PBRM1: variants seen among roughly 807,000 people sequenced by gnomAD.
PBRM1 encodes polybromo 1.
A neutral mutation model predicts 194.5 loss-of-function variants in PBRM1; 27 were observed. The observed-to-expected ratio is 0.14, with a 90% CI of 0.10 to 0.19. The LOEUF is 0.19. PBRM1 is among the 10% of genes least tolerant of loss of function. The pLI is 1.00. For missense variants in PBRM1, 1,466 were observed against 2,077.2 expected (o/e 0.71, Z 5.72); for synonymous variants, 655 against 693.2 (o/e 0.94, Z 0.87).
chr3:52,678,380 T>C (rs192218524), intron 2 of PBRM1, 120 bp downstream of exon 3: 21 of 618,104 alleles, frequency 3.4e-5, no homozygotes, highest in East Asian at 2.4e-4. Flanking sequence ...AAGACTAAAA[T>C]TGGACCCCAG....
At chr3:52,674,837 A>G (rs1230080516) in intron 2 of PBRM1, among the ~76,000 whole-genome samples, 1 of 151,412 alleles carries the variant, frequency 6.6e-6, no homozygotes, top group Non-Finnish European at 1.5e-5. Context: ...ACACGTATAT[A>G]TAACATATAT....
intron 22 of PBRM1, among the ~76,000 whole-genome samples, chr3:52,566,905 C>G (rs1466488391): frequency 6.6e-6 from 1 of 151,966 alleles, no homozygotes; most frequent in Non-Finnish European, 1.5e-5. Flanking sequence ...CCCGTCTCTA[C>G]TAAAAATACA....
intron 22 of PBRM1, among the ~76,000 whole-genome samples, chr3:52,567,709 G>A (rs541776811): frequency 2.7e-4 from 41 of 151,156 alleles, no homozygotes; most frequent in African/African-American, 9.2e-4. Context: ...TCAGCTCACC[G>A]CAGCCTCTGC....
At chr3:52,589,168 C>A (rs1211663291) in exon 18 of PBRM1, 2 of 1,611,502 alleles carry the variant, frequency 1.2e-6, no homozygotes, top group Non-Finnish European at 1.7e-6. Context: ...ATGGTACATG[C>A]TGTTTTTAAA....
intron 26 of PBRM1, among the ~76,000 whole-genome samples, chr3:52,557,940 T>A (rs1198329467): frequency 6.6e-6 from 1 of 152,232 alleles, no homozygotes; most frequent in Non-Finnish European, 1.5e-5. Flanking sequence ...ATTCAGGGTC[T>A]ACTTTCATAT....
chr3:52,612,928 T>C (rs566196429), intron 15 of PBRM1, among the ~76,000 whole-genome samples: 1 of 148,762 alleles, frequency 6.7e-6, no homozygotes, highest in East Asian at 2.0e-4. Flanking sequence ...AAAAAGAGTA[T>C]AATAATCAAA....
At chr3:52,670,191 T>G (rs2096918963) in intron 2 of PBRM1, among the ~76,000 whole-genome samples, 1 of 152,176 alleles carries the variant, frequency 6.6e-6, no homozygotes, top group African/African-American at 2.4e-5. Flanking sequence ...CCAGAATCAC[T>G]GCTACAAGGT....
chr3:52,632,311 T>C, intron 11 of PBRM1, among the ~76,000 whole-genome samples: 1 of 152,128 alleles, frequency 6.6e-6, no homozygotes, highest in Non-Finnish European at 1.5e-5. Flanking sequence ...AGGCCGGGTA[T>C]GGTGGCTCAC....
At chr3:52,592,059 T>TCA (rs2093129700) in intron 17 of PBRM1, among the ~76,000 whole-genome samples, 1 of 151,264 alleles carries the variant, frequency 6.6e-6, no homozygotes, top group Admixed American at 6.6e-5. Context: ...ACTCCTGACC[T>TCA]TGTGATCCAC....
At chr3:52,551,351 G>C (rs140636436) in intron 27 of PBRM1, among the ~76,000 whole-genome samples, 9 of 152,352 alleles carry the variant, frequency 5.9e-5, no homozygotes, top group African/African-American at 2.2e-4. Context: ...TCTAACTGGA[G>C]TCACTAGTGC....
chr3:52,594,418 T>G (rs933017134), intron 17 of PBRM1, among the ~76,000 whole-genome samples: 16 of 152,206 alleles, frequency 1.1e-4, no homozygotes, highest in African/African-American at 3.9e-4. Context: ...TGTTTTCCAT[T>G]TGCTTGGTAG....
intron 13 of PBRM1, among the ~76,000 whole-genome samples, chr3:52,622,876 TACAC>T (rs1413116020): frequency 3.3e-5 from 5 of 152,238 alleles, no homozygotes; most frequent in Admixed American, 6.5e-5. Flanking sequence ...TATTTACAAA[TACAC>T]ACACACACAA....
Position 52,558,375 on chromosome 3 carries a change from G to A in PBRM1, c.4327C>T (p.Arg1443Ter), listed in dbSNP as rs1337009790. 1 of 1,549,052 alleles carries A rather than the reference G, an allele frequency of 6.5e-7. No individual in the cohort carries two copies. The highest frequency in any genetic ancestry group is 8.7e-7 in the Non-Finnish European group (1 of 1,146,100). Residue 1443 changes from arginine to a stop codon, truncating the protein, a stop_gained, in exon 26 of 30, where the codon CGA becomes TGA. Transcript: ENST00000296302. LOFTEE classifies it high-confidence loss of function. ...CTCGGCTGCTGTTGCTGTGCTGCTC[G>A]CTCTCTCTCCTGCTGCTCAGCAACT...
At chr3:52,646,026 T>C (rs2096280727) in intron 7 of PBRM1, among the ~76,000 whole-genome samples, 1 of 152,230 alleles carries the variant, frequency 6.6e-6, no homozygotes, top group African/African-American at 2.4e-5. Flanking sequence ...ATGAATGTAC[T>C]TGCTTAAGTT....
At chr3:52,556,342 A>C (rs1470744989) in intron 26 of PBRM1, among the ~76,000 whole-genome samples, 1 of 152,210 alleles carries the variant, frequency 6.6e-6, no homozygotes, top group African/African-American at 2.4e-5. Context: ...TTTTAAATGA[A>C]GAGTTCAGAA....
upstream of PBRM1, chr3:52,679,836 G>A (rs539424307): frequency 1.1e-5 from 8 of 726,796 alleles, no homozygotes; most frequent in East Asian, 8.9e-5. Flanking sequence ...ATATTTTAAC[G>A]TGTTGTAGTT....
chr3:52,674,710 G>A lies in PBRM1; in HGVS notation c.236+3790C>T, dbSNP rs553432065. On this transcript the variant is annotated intron_variant, in intron 2 of 29. Coordinates refer to ENST00000296302, the Ensembl canonical transcript of PBRM1. ...TATCTCCTTACCTAACATTACATAC[G>A]TTATTTTTTAATATGTATGTAGCGT... 2.8e-5 allele frequency among the ~76,000 whole-genome samples: 4 copies of A among 141,852 alleles called. No individual in the cohort carries two copies. In the South Asian group the frequency reaches 8.8e-4, roughly 31 times the overall value. The allele number at this position is 141,852 out of a possible 152,430, so 93.1% of individuals were successfully genotyped here.
At chr3:52,651,594 T>TC in intron 6 of PBRM1, 148 bp downstream of exon 7, 1 of 420,318 alleles carries the variant, frequency 2.4e-6, no homozygotes, top group Non-Finnish European at 4.3e-6. Flanking sequence ...AAAGCTACAA[T>TC]CAGTAACACT....
At chr3:52,570,109 T>C (rs1246650194) in intron 22 of PBRM1, among the ~76,000 whole-genome samples, 1 of 152,160 alleles carries the variant, frequency 6.6e-6, no homozygotes, top group Non-Finnish European at 1.5e-5. Flanking sequence ...GTAGCTGGGA[T>C]TAAAGGCACC....
Sources: gnomAD v4.1 joint callset for allele counts (sites outside exome capture counted in the v4.1 genomes callset) on GRCh38, gnomAD v4.1.1 for gene constraint, MANE v1.5 for transcripts, NCBI Gene and HGNC (gene_info 2026-07-23, HGNC 2026-07-21) for gene names.